MGST1: variants seen among roughly 807,000 people sequenced by gnomAD.
MGST1 encodes the protein microsomal glutathione S-transferase 1, also known as glutathione S-transferase 12.
In MGST1, 5 loss-of-function variants were observed where a neutral mutation model predicts 8.9. The ratio of observed to expected loss-of-function variants is 0.56; its 90% CI spans 0.29 to 1.19. The LOEUF is 1.19. MGST1 is among the 50% of genes most tolerant of loss of function. MGST1 has a pLI of 0.08. For synonymous variants in MGST1, 54 were observed against 67.8 expected, an observed-to-expected ratio of 0.80 and a Z score of 1.00; for missense variants, 182 against 187.4, an observed-to-expected ratio of 0.97 and a Z score of 0.17.
chr12:16,526,135 G>A (rs1941685848), intron 4 of MGST1, among the ~76,000 whole-genome samples: 1 of 149,100 alleles, frequency 6.7e-6, no homozygotes, highest in African/African-American at 2.5e-5. Flanking sequence ...CTGTGCAGAA[G>A]CTCTTTAGTT....
At chr12:16,511,650 T>A (rs1315085463) in intron 4 of MGST1, among the ~76,000 whole-genome samples, 2 of 152,240 alleles carry the variant, frequency 1.3e-5, no homozygotes, top group Non-Finnish European at 2.9e-5. Flanking sequence ...TTCCTTGTTC[T>A]TAAAGAAGGG....
At chr12:16,445,019 T>A (rs1037338598) in intron 4 of MGST1, among the ~76,000 whole-genome samples, 1 of 151,840 alleles carries the variant, frequency 6.6e-6, no homozygotes, top group African/African-American at 2.4e-5. Flanking sequence ...ATACTGTATT[T>A]TTTTAACACT....
intron 4 of MGST1, among the ~76,000 whole-genome samples, chr12:16,518,700 A>G (rs966490470): frequency 2.6e-5 from 4 of 152,164 alleles, no homozygotes; most frequent in South Asian, 2.1e-4. Context: ...TTCCCATACT[A>G]GAGAACAATT....
chr12:16,528,396 T>C (rs1044627005), intron 4 of MGST1, among the ~76,000 whole-genome samples: 1 of 151,994 alleles, frequency 6.6e-6, no homozygotes, highest in Admixed American at 6.6e-5. Flanking sequence ...AAAGTAAACA[T>C]TGGTTCAAAT....
At chr12:16,512,730 C>G (rs1386585970) in intron 4 of MGST1, among the ~76,000 whole-genome samples, 1 of 152,194 alleles carries the variant, frequency 6.6e-6, no homozygotes, top group South Asian at 2.1e-4. Context: ...TGCGCTTTTT[C>G]AAAATGCTTG....
At chr12:16,384,959 A>C (rs1940491815) in intron 1 of MGST1, among the ~76,000 whole-genome samples, 1 of 152,232 alleles carries the variant, frequency 6.6e-6, no homozygotes, top group African/African-American at 2.4e-5. Context: ...CAGAGACTAT[A>C]GGTGGAGTTG....
At chr12:16,475,898 G>A (rs554190631) in intron 4 of MGST1, among the ~76,000 whole-genome samples, 16 of 151,946 alleles carry the variant, frequency 1.1e-4, no homozygotes, top group Admixed American at 3.3e-4. Context: ...TAGAAAACCC[G>A]TGCTTAACTA....
chr12:16,382,407 A>C (rs953366922), upstream of MGST1, among the ~76,000 whole-genome samples: 3 of 152,222 alleles, frequency 2.0e-5, no homozygotes, highest in African/African-American at 7.2e-5. Flanking sequence ...GGTCCACTCC[A>C]GACCCTGTTT....
At chr12:16,381,626 G>C (rs1647955806), downstream of MGST1, among the ~76,000 whole-genome samples, 1 of 151,852 alleles carries the variant, frequency 6.6e-6, no homozygotes, top group Non-Finnish European at 1.5e-5. Context: ...TCTTGGGGTT[G>C]CTCTCGAGGA....
chr12:16,436,965 T>C (rs1249057519), intron 1 of MGST1, among the ~76,000 whole-genome samples: 3 of 152,016 alleles, frequency 2.0e-5, no homozygotes, highest in Admixed American at 1.3e-4. Flanking sequence ...ATTGTGTAAT[T>C]CTGGCCATTT....
chr12:16,444,182 G>GTTTTTTTTTT (rs1410059091), intron 4 of MGST1, among the ~76,000 whole-genome samples: 11 of 135,056 alleles, frequency 8.1e-5, no homozygotes, highest in East Asian at 2.5e-4. Context: ...TGGCTGATTT[G>GTTTTTTTTTT]GTTTTTTTTT....
At chr12:16,575,785 G>C (rs759630595) in intron 4 of MGST1, among the ~76,000 whole-genome samples, 12 of 148,132 alleles carry the variant, frequency 8.1e-5, no homozygotes, top group Non-Finnish European at 1.5e-5. Flanking sequence ...TTCATGTCCT[G>C]ACCTGTAGGA....
intron 4 of MGST1, among the ~76,000 whole-genome samples, chr12:16,542,807 A>G (rs1438182877): frequency 6.6e-6 from 1 of 152,148 alleles, no homozygotes; most frequent in East Asian, 1.9e-4. Flanking sequence ...TATGCTATAT[A>G]TCTGTTCAAC....
chr12:16,372,058 T>C (rs1190809561), intron 3 of MGST1, among the ~76,000 whole-genome samples: 2 of 152,012 alleles, frequency 1.3e-5, no homozygotes, highest in East Asian at 1.9e-4. Flanking sequence ...AGCTTAAATC[T>C]AAGACCTGAG....
At chr12:16,564,266 C>T (rs771289728) in intron 4 of MGST1, among the ~76,000 whole-genome samples, 2 of 152,082 alleles carry the variant, frequency 1.3e-5, no homozygotes, top group Non-Finnish European at 2.9e-5. Context: ...TGAGCATGCA[C>T]AGAGAAATAT....
intron 4 of MGST1, among the ~76,000 whole-genome samples, chr12:16,507,252 G>A (rs12372780): frequency 6.6e-6 from 1 of 152,172 alleles, no homozygotes; most frequent in African/African-American, 2.4e-5. Context: ...TTGGTAGAGA[G>A]AAAATATTAG....
chr12:16,352,459 T>C (rs1490339791), intron 1 of MGST1, among the ~76,000 whole-genome samples: 1 of 152,262 alleles, frequency 6.6e-6, no homozygotes, highest in Non-Finnish European at 1.5e-5. Flanking sequence ...GCAGGATAAA[T>C]AGCCTCTAAG....
rs2137072489 is a variant in MGST1 at position 16,410,167 on chromosome 12, A to G, written n.778+26563A>G. Among the ~76,000 whole-genome samples, 1 of 152,284 alleles carries G rather than the reference A, an allele frequency of 6.6e-6. No homozygotes were observed. Among genetic ancestry groups the G allele is most frequent in the Admixed American group, 6.5e-5 (1 of 15,272 alleles). ...AATGTCACAGGGTCAAAGTGGTTATAGTGCTATGCTTACCGTCATTTCTCT... is the reference window on the plus strand; with the variant it reads ...AATGTCACAGGGTCAAAGTGGTTATGGTGCTATGCTTACCGTCATTTCTCT... On this transcript the variant is annotated intron_variant and non_coding_transcript_variant, in intron 1 of 1. Coordinates refer to the MGST1 transcript ENST00000359720. This position sits in a 1 kb window ranked among gnomAD's most constrained non-coding sequence, Gnocchi z 4.4.
downstream of MGST1, among the ~76,000 whole-genome samples, chr12:16,438,960 G>A (rs185660359): frequency 9.2e-5 from 14 of 151,920 alleles, no homozygotes; most frequent in African/African-American, 3.1e-4. Context: ...GTATTTATTC[G>A]TGGTGCAGAT....
Sources: gnomAD v4.1 joint callset for allele counts (sites outside exome capture counted in the v4.1 genomes callset) on GRCh38, gnomAD v4.1.1 for gene constraint, Gnocchi (gnomAD v3.1) non-coding constraint, MANE v1.5 for transcripts, NCBI Gene and HGNC (gene_info 2026-07-23, HGNC 2026-07-21) for gene names.